SOCS5: variants seen among roughly 807,000 people sequenced by gnomAD.
SOCS5 encodes the protein CIS-6.
Under a neutral mutation model 42.8 loss-of-function variants are expected in SOCS5, and 32 were observed. The observed-to-expected ratio is 0.75, with a 90% CI of 0.56 to 1.01. The LOEUF (loss-of-function observed/expected upper bound fraction) is 1.01, where lower values mean the gene tolerates loss of function less well. Among genes scored for constraint, SOCS5 ranks in the 50% least tolerant of loss-of-function variants. The pLI is 0.00. For synonymous variants in SOCS5, 283 were observed against 229.6 expected (o/e 1.23, Z -2.10); for missense variants, 627 against 653.0 (o/e 0.96, Z 0.43).
intron 1 of SOCS5, among the ~76,000 whole-genome samples, chr2:46,718,578 T>G (rs903629528): frequency 6.6e-6 from 1 of 152,198 alleles, no homozygotes; most frequent in Non-Finnish European, 1.5e-5. Flanking sequence ...ATTTTTAAAA[T>G]GCCATTCATA....
At chr2:46,723,479 G>C (rs945406167) in intron 1 of SOCS5, among the ~76,000 whole-genome samples, 3 of 151,982 alleles carry the variant, frequency 2.0e-5, no homozygotes, top group African/African-American at 7.2e-5. Flanking sequence ...TTTAGGTTAA[G>C]GTTCATGTAT....
Position 46,759,970 on chromosome 2 carries a change from C to G in SOCS5, c.1440C>G (p.Phe480Leu). The change falls in exon 2 of 2, where the codon TTC becomes TTG. Residue 480 changes from phenylalanine to leucine, a missense_variant. Coordinates refer to ENST00000394861, the MANE Select transcript of SOCS5 (RefSeq NM_144949.3). ...TTACTATATCACTAAATAGGACTTTCCCTTTTAGCCTGCAGTATATCTGTC... is the reference window on the plus strand; with the variant it reads ...TTACTATATCACTAAATAGGACTTTGCCTTTTAGCCTGCAGTATATCTGTC... ...PLLTISLNRTFPFSLQYICRA... is the reference protein window; with the variant it reads ...PLLTISLNRTLPFSLQYICRA... 1 of 1,614,154 alleles carries G rather than the reference C, an allele frequency of 6.2e-7. No homozygotes were observed. The highest frequency in any genetic ancestry group is 8.5e-7 in the Non-Finnish European group (1 of 1,180,012).
At chr2:46,716,246 A>T (rs1672740033) in intron 1 of SOCS5, among the ~76,000 whole-genome samples, 1 of 150,510 alleles carries the variant, frequency 6.6e-6, no homozygotes, top group Admixed American at 6.6e-5. Flanking sequence ...AGCTGTTATA[A>T]GGTCTTTTAC....
chr2:46,742,717 G>T (rs1015580268), intron 1 of SOCS5, among the ~76,000 whole-genome samples: 2 of 152,030 alleles, frequency 1.3e-5, no homozygotes, highest in African/African-American at 4.8e-5. Flanking sequence ...CCAGGCTGGA[G>T]TGCAATGGCG....
intron 1 of SOCS5, among the ~76,000 whole-genome samples, chr2:46,752,500 T>C (rs1168478349): frequency 2.0e-5 from 3 of 152,212 alleles, no homozygotes; most frequent in Non-Finnish European, 4.4e-5. Context: ...TTTGTATCTT[T>C]ATTATATATG....
chr2:46,747,371 C>T (rs975429216), intron 1 of SOCS5, among the ~76,000 whole-genome samples: 2 of 152,090 alleles, frequency 1.3e-5, no homozygotes, highest in African/African-American at 4.8e-5. Flanking sequence ...CAGGCGCACA[C>T]CACCATACCT....
intron 1 of SOCS5, among the ~76,000 whole-genome samples, chr2:46,712,843 A>T (rs1424188524): frequency 1.3e-5 from 2 of 152,066 alleles, no homozygotes; most frequent in Non-Finnish European, 1.5e-5. Flanking sequence ...TCTAGATTCA[A>T]TGAGGGATTA....
At chr2:46,748,505 T>C (rs921060624) in intron 1 of SOCS5, among the ~76,000 whole-genome samples, 2 of 152,106 alleles carry the variant, frequency 1.3e-5, no homozygotes, top group African/African-American at 4.8e-5. Context: ...CTTTTTCTTA[T>C]GGTGTCAGGG....
chr2:46,746,593 G>C (rs1673502664), intron 1 of SOCS5, among the ~76,000 whole-genome samples: 1 of 151,622 alleles, frequency 6.6e-6, no homozygotes, highest in African/African-American at 2.4e-5. Flanking sequence ...AGAGGTTGCA[G>C]TGAGCCGAGA....
chr2:46,720,464 G>A (rs960992530), intron 1 of SOCS5, among the ~76,000 whole-genome samples: 2 of 152,146 alleles, frequency 1.3e-5, no homozygotes, highest in Non-Finnish European at 2.9e-5. Context: ...ACTACTTTGT[G>A]TCTATGGTAA....
intron 1 of SOCS5, among the ~76,000 whole-genome samples, chr2:46,730,995 A>G (rs1485637972): frequency 6.6e-6 from 1 of 152,206 alleles, no homozygotes; most frequent in Non-Finnish European, 1.5e-5. Context: ...TTGTAGAAGT[A>G]GGCTTTATAG....
At chr2:46,734,471 T>C (rs1046697932) in intron 1 of SOCS5, among the ~76,000 whole-genome samples, 10 of 152,146 alleles carry the variant, frequency 6.6e-5, no homozygotes, top group Non-Finnish European at 1.5e-4. Flanking sequence ...ATGGTTACAG[T>C]TATACAATAA....
chr2:46,738,970 T>C (rs1673311955), intron 1 of SOCS5, among the ~76,000 whole-genome samples: 1 of 152,246 alleles, frequency 6.6e-6, no homozygotes, highest in African/African-American at 2.4e-5. Flanking sequence ...TGTGGCTGAA[T>C]AATGTCATAT....
At chr2:46,738,634 A>G (rs1481156499) in intron 1 of SOCS5, among the ~76,000 whole-genome samples, 1 of 152,220 alleles carries the variant, frequency 6.6e-6, no homozygotes, top group Non-Finnish European at 1.5e-5. Flanking sequence ...TCCCATACAC[A>G]TCCAGTTGTA....
chr2:46,724,906 T>A (rs1175957937), intron 1 of SOCS5, among the ~76,000 whole-genome samples: 1 of 152,054 alleles, frequency 6.6e-6, no homozygotes, highest in African/African-American at 2.4e-5. Context: ...TTCTATCTTC[T>A]GGTTGATATT....
chr2:46,729,451 C>T (rs1008380946), intron 1 of SOCS5, among the ~76,000 whole-genome samples: 3 of 152,206 alleles, frequency 2.0e-5, no homozygotes, highest in African/African-American at 4.8e-5. Context: ...GTACTATACA[C>T]CTAGGCCGTA....
intron 1 of SOCS5, among the ~76,000 whole-genome samples, chr2:46,719,930 A>T (rs1286821081): frequency 6.6e-6 from 1 of 152,214 alleles, no homozygotes; most frequent in Admixed American, 6.5e-5. Context: ...GATTTATGGA[A>T]AACTGATAAA....
rs1197886698 is a variant in SOCS5, at chr2:46,759,727, T to G, written c.1197T>G (p.Pro399=). ...YEAEALLEGK[P]EGTFLLRDSA... ...CAGAAGCCCTTCTCGAAGGGAAACC[T>G]GAAGGCACGTTTTTGCTCAGGGACT... Residue 399 remains proline (P), a synonymous_variant, in exon 2 of 2, where the codon CCT becomes CCG. Transcript: ENST00000394861. The G allele has an allele frequency of 9.3e-6, 15 of 1,614,136 alleles. No homozygotes were observed. The highest frequency in any genetic ancestry group is 1.3e-5 in the Non-Finnish European group (15 of 1,180,010).
chr2:46,748,503 T>A (rs2103752023), intron 1 of SOCS5, among the ~76,000 whole-genome samples: 1 of 152,236 alleles, frequency 6.6e-6, no homozygotes. Flanking sequence ...TCCTTTTTCT[T>A]ATGGTGTCAG....
Sources: allele counts gnomAD v4.1 joint callset (sites outside exome capture counted in the v4.1 genomes callset), GRCh38; gene constraint gnomAD v4.1.1; transcripts MANE v1.5; gene names NCBI Gene and HGNC (gene_info 2026-07-23, HGNC 2026-07-21).